The following SHC3 variants were observed in gnomAD, a reference collection of about 807,000 sequenced individuals.
SHC3 encodes the protein SHC-transforming protein 3.
A neutral mutation model predicts 60.4 loss-of-function variants in SHC3; 15 were observed. That is an observed-to-expected ratio of 0.25 (90% confidence interval 0.17 to 0.38). The LOEUF is 0.38. Ranked by LOEUF, SHC3 falls within the 10% of genes least tolerant of loss-of-function variation. The probability of loss-of-function intolerance (pLI) is 1.00; values close to 1 mark genes in which losing one functional copy is unlikely to be tolerated. For missense variants in SHC3, 677 were observed against 786.1 expected (o/e 0.86, Z 1.66); for synonymous variants, 294 against 325.9 (o/e 0.90, Z 1.05).
chr9:89,095,858 C>T (rs1017644731), intron 2 of SHC3, among the ~76,000 whole-genome samples: 3 of 152,140 alleles, frequency 2.0e-5, no homozygotes, highest in African/African-American at 7.2e-5. Context: ...GGTGCATTTT[C>T]ATGCCTGTAA....
intron 3 of SHC3, 135 bp downstream of exon 3, chr9:89,077,705 T>G: frequency 9.7e-7 from 1 of 1,034,586 alleles, no homozygotes; most frequent in Non-Finnish European, 1.5e-6. Flanking sequence ...TCTAAGCCCT[T>G]TCTGCTTTTA....
At chr9:89,171,269 T>C (rs1826865445) in intron 1 of SHC3, among the ~76,000 whole-genome samples, 1 of 152,134 alleles carries the variant, frequency 6.6e-6, no homozygotes, top group Admixed American at 6.5e-5. Flanking sequence ...AAGTTTCTAT[T>C]TGGGCAGGTG....
intron 1 of SHC3, among the ~76,000 whole-genome samples, chr9:89,138,349 T>G (rs1826348278): frequency 6.6e-6 from 1 of 152,320 alleles, no homozygotes; most frequent in Non-Finnish European, 1.5e-5. Context: ...TAGCTATTTC[T>G]CAATTATATG....
At chr9:89,092,741 TGTG>T (rs1423366237) in intron 2 of SHC3, among the ~76,000 whole-genome samples, 5 of 127,190 alleles carry the variant, frequency 3.9e-5, no homozygotes, top group Admixed American at 1.7e-4. Flanking sequence ...AGAAGGAAGG[TGTG>T]TGTGTGTGTG....
chr9:89,033,460 G>A (rs1824523596), intron 11 of SHC3, among the ~76,000 whole-genome samples: 1 of 152,038 alleles, frequency 6.6e-6, no homozygotes, highest in African/African-American at 2.4e-5. Flanking sequence ...ATGCAAACAG[G>A]AAGAAGTATG....
chr9:89,120,004 A>G (rs1016005475), intron 1 of SHC3, among the ~76,000 whole-genome samples: 1 of 152,176 alleles, frequency 6.6e-6, no homozygotes, highest in Non-Finnish European at 1.5e-5. Context: ...CCATGGAGCA[A>G]TGCAGCCTAG....
chr9:89,082,868 T>A (rs1208952265), intron 2 of SHC3, among the ~76,000 whole-genome samples: 1 of 152,190 alleles, frequency 6.6e-6, no homozygotes. Context: ...CCTTCCCCAC[T>A]GGCCCGCTCA....
chr9:89,037,143 A>T (rs1446879549), intron 11 of SHC3, among the ~76,000 whole-genome samples: 1 of 151,432 alleles, frequency 6.6e-6, no homozygotes, highest in Non-Finnish European at 1.5e-5. Flanking sequence ...CAGGCAACTG[A>T]GTCTTGGCAC....
At chr9:89,033,448 C>T (rs1254428527) in intron 11 of SHC3, among the ~76,000 whole-genome samples, 2 of 152,106 alleles carry the variant, frequency 1.3e-5, no homozygotes. Context: ...AACTGTTAGT[C>T]TATGCAAACA....
At chr9:89,033,340 T>C (rs1277376018) in intron 11 of SHC3, among the ~76,000 whole-genome samples, 1 of 152,172 alleles carries the variant, frequency 6.6e-6, no homozygotes, top group Non-Finnish European at 1.5e-5. Flanking sequence ...GATTTTAGCT[T>C]TTTGTTTTTT....
At chr9:89,029,483 G>A (rs543574289) in intron 11 of SHC3, among the ~76,000 whole-genome samples, 5 of 152,178 alleles carry the variant, frequency 3.3e-5, no homozygotes, top group East Asian at 1.9e-4. Context: ...TTTCAGACAC[G>A]CAAGGATGAG....
intron 2 of SHC3, among the ~76,000 whole-genome samples, chr9:89,094,718 C>T (rs1825674860): frequency 6.6e-6 from 1 of 152,100 alleles, no homozygotes; most frequent in African/African-American, 2.4e-5. Flanking sequence ...AACAGAAGCC[C>T]TGCATACTGG....
rs1361011221 is a variant in SHC3 at position 89,012,465 on chromosome 9, G to A, written c.*982C>T. 1 of 152,190 alleles carries A rather than the reference G, an allele frequency of 6.6e-6. No homozygotes were observed. The highest frequency in any genetic ancestry group is 1.5e-5 in the Non-Finnish European group (1 of 68,044). 9.4% of individuals were successfully genotyped at this position (152,190 alleles called of 1,614,324 possible). ...TCAATACCTGAGTCTTCGGGACTGA[G>A]CTCTGGGATGGGTGCCTGCTCTTGC... On this transcript the variant is annotated 3_prime_UTR_variant, in exon 12 of 12. Coordinates refer to ENST00000375835, the MANE Select transcript of SHC3 (RefSeq NM_016848.6).
chr9:89,018,893 C>T (rs553272629), intron 11 of SHC3, among the ~76,000 whole-genome samples: 86 of 151,160 alleles, frequency 5.7e-4, no homozygotes, highest in African/African-American at 1.9e-3. Context: ...CCATCTCTAC[C>T]AACAAAAATT....
In SHC3 at chr9:89,009,935, G is replaced by A. The variant is rs550412745; in HGVS notation, c.*3512C>T. 6.6e-6 allele frequency: 1 copy of A among 152,388 alleles called. No individual in the cohort carries two copies. Among genetic ancestry groups the A allele is most frequent in the African/African-American group, 2.4e-5 (1 of 41,590 alleles). 9.4% of individuals were successfully genotyped at this position (152,388 alleles called of 1,614,324 possible). A position where few individuals can be genotyped will look rare whatever the true frequency, so the allele number is the denominator to read the frequency against. On this transcript the variant is annotated 3_prime_UTR_variant, in exon 12 of 12. Transcript: ENST00000375835. ...CAGAATCCCAGCACCAGACATGGAGGTTGGGCTGGACACACATGTCCACTG... is the reference window on the plus strand; with the variant it reads ...CAGAATCCCAGCACCAGACATGGAGATTGGGCTGGACACACATGTCCACTG...
At chr9:89,110,462 C>T (rs1313282615) in intron 2 of SHC3, 2 of 984,758 alleles carry the variant, frequency 2.0e-6, no homozygotes, top group Non-Finnish European at 2.4e-6. Flanking sequence ...AGTTTAATCA[C>T]AGGTATGTTG....
chr9:89,151,181 G>A (rs1294214894), intron 1 of SHC3, among the ~76,000 whole-genome samples: 2 of 151,996 alleles, frequency 1.3e-5, no homozygotes, highest in East Asian at 1.9e-4. Context: ...ACGGTGCCTG[G>A]CTATTTTTTA....
chr9:89,049,819 A>G (rs768972650), intron 7 of SHC3, among the ~76,000 whole-genome samples: 9 of 152,200 alleles, frequency 5.9e-5, no homozygotes, highest in Admixed American at 3.9e-4. Context: ...CCGAGCTGTA[A>G]CCAATCCAGC....
intron 2 of SHC3, chr9:89,109,556 C>G (rs998625018): frequency 3.5e-5 from 34 of 985,366 alleles, no homozygotes; most frequent in Admixed American, 6.1e-5. Flanking sequence ...TTTTGCCAAG[C>G]CTTCCAAGTG....
Sources: allele counts gnomAD v4.1 joint callset (sites outside exome capture counted in the v4.1 genomes callset), GRCh38; gene constraint gnomAD v4.1.1; transcripts MANE v1.5; gene names NCBI Gene and HGNC (gene_info 2026-07-23, HGNC 2026-07-21).